The following RNH1 variants were observed in gnomAD, a reference collection of about 807,000 sequenced individuals.
The protein encoded by RNH1 is ribonuclease inhibitor.
In RNH1, 38 loss-of-function variants were observed where a neutral mutation model predicts 46.1. The ratio of observed to expected loss-of-function variants is 0.82; its 90% CI spans 0.64 to 1.08. RNH1 has a LOEUF of 1.08. Among genes scored for constraint, RNH1 ranks in the 50% least tolerant of loss-of-function variants. RNH1 has a pLI of 0.00. For missense variants in RNH1, 577 were observed against 590.7 expected (o/e 0.98, Z 0.24); for synonymous variants, 319 against 279.1 (o/e 1.14, Z -1.43).
intron 7 of RNH1, 52 bp downstream of exon 7, chr11:498,711 G>A (rs1849403430): frequency 3.8e-6 from 6 of 1,591,804 alleles, no homozygotes; most frequent in Admixed American, 1.7e-5. Flanking sequence ...GAGCTCTGAG[G>A]ACGGCCCGCC....
chr11:497,202 CCCAT>C (rs1849184078), intron 9 of RNH1, among the ~76,000 whole-genome samples: 2 of 127,932 alleles, frequency 1.6e-5, no homozygotes, highest in African/African-American at 3.6e-5. Flanking sequence ...CTCACTCTCA[CCCAT>C]GTGCTCACGT....
intron 1 of RNH1, chr11:506,780 G>C (rs541801423): frequency 1.3e-5 from 2 of 152,376 alleles, no homozygotes; most frequent in African/African-American, 2.4e-5. Context: ...AGGCACTAGA[G>C]GGCTTGACGG....
In RNH1 at chr11:499,811, G is replaced by A. The variant is rs768830818; in HGVS notation, c.443+18C>T. ...AGGCAGCGGCCAGCATGGGCCCTGG[G>A]GCAGGACACAAACTCACTGCAGCTT... On this transcript the variant is annotated intron_variant, in intron 5 of 10. Transcript: ENST00000354420. The A allele has an allele frequency of 1.3e-6, 2 of 1,599,208 alleles. No individual in the cohort carries two copies. Among genetic ancestry groups the A allele is most frequent in the Non-Finnish European group, 1.7e-6 (2 of 1,172,076 alleles).
intron 3 of RNH1, chr11:500,949 A>G (rs936956991): frequency 4.7e-5 from 22 of 466,718 alleles, no homozygotes; most frequent in Non-Finnish European, 8.0e-5. Context: ...ACCAACATGG[A>G]GAAACCCCGT....
rs765669919 is a variant in RNH1, at chr11:499,119, C to G, written c.510G>C (p.Pro170=). The change falls in exon 6 of 11, where the codon CCG becomes CCC. Residue 170 remains proline, a synonymous_variant. Transcript: ENST00000354420. ...EPLASVLRAK[P]DFKELTVSNN... is the part of the protein sequence containing the mutation. The stretch of plus-strand genomic sequence containing the variant: ...TGCTAACCGTGAGCTCCTTGAAGTC[C>G]GGCTTGGCCCTGAGCACGGAGGCCA... The G allele has an allele frequency of 9.9e-6, 16 of 1,613,416 alleles. No homozygotes were observed. Among genetic ancestry groups the G allele is most frequent in the Non-Finnish European group, 1.4e-5 (16 of 1,179,936 alleles).
Position 497,588 on chromosome 11 carries a change from C to T in RNH1, c.1127+383G>A, listed in dbSNP as rs368167991. ...ACACGGACACGTGCTCATTCTTGCC[C>T]ATGTGCTCACACACTGACCCTCGTG... On this transcript the variant is annotated intron_variant, in intron 9 of 10. Transcript: ENST00000354420. Among the ~76,000 whole-genome samples, 5 of 145,072 alleles carry T rather than the reference C, an allele frequency of 3.4e-5. 1 individual carries two copies. Among genetic ancestry groups the T allele is most frequent in the African/African-American group, 1.3e-4 (5 of 37,968 alleles).
chr11:498,655 T>C (rs1374129463), intron 7 of RNH1, 28 bp from the exon 8 acceptor site: 4 of 1,609,180 alleles, frequency 2.5e-6, no homozygotes, highest in Non-Finnish European at 3.4e-6. Context: ...CCACAGACTT[T>C]CCTCAGCACC....
At position 494,980 on chromosome 11, in the gene RNH1, G is replaced by A. The variant is rs200406171; in HGVS notation, c.1201C>T (p.Arg401Cys). The A allele has an allele frequency of 6.9e-6, 11 of 1,605,838 alleles. No homozygotes were observed. The highest frequency in any genetic ancestry group is 1.7e-4 in the Middle Eastern group (1 of 6,038). The part of the protein sequence containing the change: ...AATLLANHSL[R>C]ELDLSNNCLG... ...CAGTTGTTGCTGAGGTCCAGCTCAC[G>A]CAGGCTGTGGTTGGCCAACAGGGTT... Residue 401 changes from arginine (R) to cysteine (C), a missense_variant, in exon 10 of 11, where the codon CGT becomes TGT. By Grantham distance (180) the Arg-to-Cys change is radical. Transcript: ENST00000354420.
intron 1 of RNH1, chr11:505,199 C>T (rs1423269229): frequency 6.6e-6 from 1 of 152,164 alleles, no homozygotes; most frequent in Admixed American, 6.5e-5. Context: ...CACTCATATT[C>T]GATTCAGAAT....
At position 498,829 on chromosome 11, in the gene RNH1, C is replaced by G. The variant is rs1849419168; in HGVS notation, c.719G>C (p.Gly240Ala). The G allele has an allele frequency of 1.9e-6, 3 of 1,610,556 alleles. No individual in the cohort carries two copies. The highest frequency in any genetic ancestry group is 2.5e-6 in the Non-Finnish European group (3 of 1,179,684). Residue 240 changes from glycine (G) to alanine (A), a missense_variant, in exon 7 of 11, where the codon GGT becomes GCT. By Grantham distance (60) the Gly-to-Ala change is moderately conservative. Transcript: ENST00000354420. ...GCACAGCTCCGCCATGCCCACATCA[C>G]CCAGCTTGTTGCTGCCCAGGGCCAG... ...RELALGSNKLGDVGMAELCPG... is the reference protein window; with the variant it reads ...RELALGSNKLADVGMAELCPG...
intron 2 of RNH1, among the ~76,000 whole-genome samples, chr11:504,155 G>A (rs537980851): frequency 3.7e-4 from 56 of 152,326 alleles, no homozygotes; most frequent in African/African-American, 1.3e-3. Context: ...CACATGGGAG[G>A]GGCCGTCTGG....
chr11:498,456 C>T lies in RNH1; in HGVS notation c.956+1G>A, dbSNP rs1849375187. 6.2e-7 allele frequency: 1 copy of T among 1,612,246 alleles called. No homozygotes were observed. The highest frequency in any genetic ancestry group is 8.5e-7 in the Non-Finnish European group (1 of 1,179,938). On this transcript the variant is annotated splice_donor_variant, in intron 8 of 10. Transcript: ENST00000354420. LOFTEE classifies it high-confidence loss of function. Reference sequence around the variant, plus strand: ...GGCCCTGCCCCGACAGCCACACTCACCACAGCGACTCCAGCTGGCAGCCAG... The same window carrying T: ...GGCCCTGCCCCGACAGCCACACTCATCACAGCGACTCCAGCTGGCAGCCAG...
In RNH1 at chr11:499,899, A is replaced by G; in HGVS notation, c.373T>C (p.Leu125=). Residue 125 remains leucine (L), a synonymous_variant, in exon 5 of 11, where the codon TTG becomes CTG. Coordinates refer to ENST00000354420, the MANE Select transcript of RNH1 (RefSeq NM_203387.3). ...LQELHLSDNL[L]GDAGLQLLCE... is the part of the protein sequence containing the mutation. ...AGCAGCTGCAGGCCCGCATCCCCCA[A>G]GAGGTTGTCGCTGAGGTGCAGCTCC... is the stretch of plus-strand genomic sequence containing the variant. 1 of 1,613,290 alleles carries G rather than the reference A, an allele frequency of 6.2e-7. No homozygotes were observed.
chr11:507,031 G>C (rs1363857172), intron 1 of RNH1, 82 bp downstream of exon 1: 1 of 152,256 alleles, frequency 6.6e-6, no homozygotes. Context: ...AATAGCGCCA[G>C]GCCCGCGTCT....
chr11:495,231 G>A (rs575559992), intron 9 of RNH1, among the ~76,000 whole-genome samples, 178 bp from the exon 10 acceptor site: 3 of 152,368 alleles, frequency 2.0e-5, no homozygotes, highest in South Asian at 2.1e-4. Context: ...TCCCCACCAC[G>A]GACAAGGAAG....
intron 9 of RNH1, among the ~76,000 whole-genome samples, chr11:496,984 A>G (rs1007103952): frequency 6.6e-6 from 1 of 152,398 alleles, no homozygotes; most frequent in Non-Finnish European, 1.5e-5. Context: ...AGTTAAAATG[A>G]GAACTAAGCC....
rs192735861 is a variant in RNH1 at position 501,172 on chromosome 11, G to A, written c.102-518C>T. The A allele has an allele frequency of 2.1e-4, 53 of 248,346 alleles. No individual in the cohort carries two copies. The highest frequency in any genetic ancestry group is 1.1e-3 in the African/African-American group (51 of 44,548). 15.4% of individuals were successfully genotyped at this position (248,346 alleles called of 1,614,324 possible). A position where few individuals can be genotyped will look rare whatever the true frequency, so the allele number is the denominator to read the frequency against. On this transcript the variant is annotated intron_variant, in intron 3 of 10. Coordinates refer to ENST00000354420, the MANE Select transcript of RNH1 (RefSeq NM_203387.3). This position sits in a 1 kb window ranked among gnomAD's most constrained non-coding sequence, Gnocchi z 4.1. ...CTCTCGAAGGCACTGATCAGTCACA[G>A]GAGGAAAGGCAGTGGCGTCACAGTG...
Position 497,978 on chromosome 11 carries a change from C to T in RNH1, c.1120G>A (p.Val374Met), listed in dbSNP as rs990326070. 2 of 1,613,232 alleles carry T rather than the reference C, an allele frequency of 1.2e-6. No individual in the cohort carries two copies. The highest frequency in any genetic ancestry group is 2.7e-5 in the African/African-American group (2 of 75,082). Residue 374 changes from valine to methionine, a missense_variant, in exon 9 of 11, where the codon GTG becomes ATG. By Grantham distance (21) the Val-to-Met change is conservative (BLOSUM62 1). Transcript: ENST00000354420. ...GLGQPGSVLR[V>M]LWLADCDVSD... ...TGTCCCTCACACACTCACCAGAGCA[C>T]CCGCAGCACAGAGCCAGGCTGGCCC...
intron 5 of RNH1, 90 bp from the exon 6 acceptor site, chr11:499,275 C>T: frequency 1.4e-6 from 2 of 1,419,454 alleles, no homozygotes; most frequent in South Asian, 1.2e-5. Context: ...GGTGTCTCAT[C>T]TCCCCTCAGT....
Sources: allele counts gnomAD v4.1 joint callset (sites outside exome capture counted in the v4.1 genomes callset), GRCh38; gene constraint gnomAD v4.1.1; non-coding constraint Gnocchi (gnomAD v3.1); transcripts MANE v1.5; gene names NCBI Gene and HGNC (gene_info 2026-07-23, HGNC 2026-07-21).